Variants in CAMTA1 observed in about 807,000 individuals in gnomAD.
The protein encoded by CAMTA1 is calmodulin binding transcription activator 1.
A neutral mutation model predicts 170.9 loss-of-function variants in CAMTA1; 27 were observed. That is an observed-to-expected ratio of 0.16 (90% CI 0.12 to 0.22). CAMTA1 has a LOEUF of 0.22. Ranked by LOEUF, CAMTA1 falls within the 10% of genes least tolerant of loss-of-function variation. The pLI is 1.00. For synonymous variants in CAMTA1, 833 were observed against 891.5 expected (o/e 0.93, Z 1.17); for missense variants, 1,619 against 2,217.2 (o/e 0.73, Z 5.42).
chr1:7,351,236 A>G (rs1187475963), intron 5 of CAMTA1, among the ~76,000 whole-genome samples: 1 of 152,230 alleles, frequency 6.6e-6, no homozygotes, highest in Non-Finnish European at 1.5e-5. Flanking sequence ...ATGTCTGAGG[A>G]ATGCCTTTCA....
In CAMTA1 at chr1:7,680,816, G is replaced by GC. The variant is rs953405517; in HGVS notation, c.2914+3083_2914+3084insC. On this transcript the variant is annotated intron_variant, in intron 11 of 22. Coordinates refer to ENST00000303635, the MANE Select transcript of CAMTA1 (RefSeq NM_015215.4). This position sits in a 1 kb window ranked among gnomAD's most constrained non-coding sequence, Gnocchi z 4.4. The stretch of plus-strand genomic sequence containing the variant: ...GTTTGCTTGGCTAAAGGCCGGGGGG[G>GC]GGCGTGGGTCCGGGGCGCAGAGAAC... Among the ~76,000 whole-genome samples, 1 of 149,512 alleles carries GC rather than the reference G, an allele frequency of 6.7e-6. No homozygotes were observed. Among genetic ancestry groups the GC allele is most frequent in the Non-Finnish European group, 1.5e-5 (1 of 66,780 alleles).
chr1:7,082,765 C>G (rs1350896843), intron 3 of CAMTA1, among the ~76,000 whole-genome samples: 1 of 152,204 alleles, frequency 6.6e-6, no homozygotes, highest in African/African-American at 2.4e-5. Context: ...GGGCAACCTA[C>G]TCACTCGTCA....
At chr1:7,280,893 C>T (rs1429125165) in intron 5 of CAMTA1, among the ~76,000 whole-genome samples, 1 of 152,184 alleles carries the variant, frequency 6.6e-6, no homozygotes, top group Non-Finnish European at 1.5e-5. Flanking sequence ...GTAACTTGTA[C>T]ACTTTTTAAA....
At chr1:6,832,315 A>T (rs1214089851) in intron 3 of CAMTA1, among the ~76,000 whole-genome samples, 1 of 152,130 alleles carries the variant, frequency 6.6e-6, no homozygotes, top group Non-Finnish European at 1.5e-5. Flanking sequence ...GAGCTCAAGC[A>T]ATCTGCTTGC....
intron 4 of CAMTA1, among the ~76,000 whole-genome samples, chr1:7,150,646 T>A (rs1646518183): frequency 6.6e-6 from 1 of 151,874 alleles, no homozygotes; most frequent in East Asian, 1.9e-4. Context: ...GAATCACCCC[T>A]CACCGAGAAC....
At chr1:7,326,650 C>T (rs908416202) in intron 5 of CAMTA1, among the ~76,000 whole-genome samples, 11 of 152,094 alleles carry the variant, frequency 7.2e-5, no homozygotes, top group Non-Finnish European at 1.6e-4. Context: ...CCAGCAAGCA[C>T]CTGAAACGAG....
At chr1:7,671,060 C>T in intron 10 of CAMTA1, 23 bp downstream of exon 10, 2 of 1,611,404 alleles carry the variant, frequency 1.2e-6, no homozygotes, top group African/African-American at 1.3e-5. Context: ...CCCCCCAGGC[C>T]CCCAAGGTGA....
intron 4 of CAMTA1, among the ~76,000 whole-genome samples, chr1:7,137,089 C>T (rs866946883): frequency 1.4e-4 from 22 of 152,298 alleles, no homozygotes; most frequent in Middle Eastern, 3.4e-3. Flanking sequence ...CCTAATCTTT[C>T]CTGTCTCAGA....
Position 7,704,221 on chromosome 1 carries a change from C to A in CAMTA1, c.2914+26488C>A, listed in dbSNP as rs985745214. Among the ~76,000 whole-genome samples, 1,323 of 147,284 alleles carry A rather than the reference C, an allele frequency of 9.0e-3. 13 individuals carry two copies. The highest frequency in any genetic ancestry group is 0.029 in the African/African-American group (1,199 of 40,998). On this transcript the variant is annotated intron_variant, in intron 11 of 22. Coordinates refer to ENST00000303635, the MANE Select transcript of CAMTA1 (RefSeq NM_015215.4). ...GCCCGAGCCCGGGAACGCGGGCCCT[C>A]GGCGCGGAGCTTCGGGCGGCCCCGA...
chr1:7,171,844 A>G (rs1649674785), intron 4 of CAMTA1, among the ~76,000 whole-genome samples: 1 of 152,258 alleles, frequency 6.6e-6, no homozygotes, highest in South Asian at 2.1e-4. Context: ...TGGATGTTTC[A>G]TAGAAATGGA....
intron 4 of CAMTA1, among the ~76,000 whole-genome samples, chr1:7,218,398 C>T (rs1660137181): frequency 6.6e-6 from 1 of 151,934 alleles, no homozygotes; most frequent in South Asian, 2.1e-4. Context: ...TTGAGTGGTT[C>T]GTGTGATTTT....
rs751245698 is a variant in CAMTA1, at chr1:7,663,765, T to C, written c.1218T>C (p.Asn406=). The change falls in exon 9 of 23, where the codon AAT becomes AAC. Residue 406 remains asparagine, a synonymous_variant. Transcript: ENST00000303635. ...CGGTGTTCATGTCAGAGGTCACCAA[T>C]GAGGCCGTGTACACCATGTCCCCCA... is the stretch of plus-strand genomic sequence containing the variant. ...SATVFMSEVT[N]EAVYTMSPTA... The C allele has an allele frequency of 5.3e-5, 86 of 1,614,062 alleles. No homozygotes were observed. Among genetic ancestry groups the C allele is most frequent in the Non-Finnish European group, 7.1e-5 (84 of 1,179,990 alleles).
intron 5 of CAMTA1, among the ~76,000 whole-genome samples, chr1:7,310,616 C>CT (rs1676348473): frequency 5.6e-4 from 2 of 3,592 alleles, no homozygotes; most frequent in Non-Finnish European, 1.0e-3. Flanking sequence ...TTCTTTCTTT[C>CT]TTTCTTTCTT....
chr1:7,419,390 CAAA>C (rs1259417013), intron 5 of CAMTA1, among the ~76,000 whole-genome samples: 1 of 152,176 alleles, frequency 6.6e-6, no homozygotes, highest in Non-Finnish European at 1.5e-5. Context: ...CTTCTGAACT[CAAA>C]TGATCTGCCC....
chr1:7,653,704 TAA>T (rs34733437), intron 7 of CAMTA1, among the ~76,000 whole-genome samples: 6 of 149,132 alleles, frequency 4.0e-5, no homozygotes, highest in African/African-American at 1.2e-4. Context: ...ATGAACCAAT[TAA>T]AAAAAAAAGT....
chr1:7,715,186 G>C (rs1166014063), intron 11 of CAMTA1, among the ~76,000 whole-genome samples: 1 of 152,066 alleles, frequency 6.6e-6, no homozygotes, highest in Non-Finnish European at 1.5e-5. Flanking sequence ...GAATGGGCTG[G>C]GACAGGGAAG....
In CAMTA1 at chr1:7,482,474, C is replaced by G. The variant is rs1391459144; in HGVS notation, c.510+14573C>G. Among the ~76,000 whole-genome samples, 1 of 152,198 alleles carries G rather than the reference C, an allele frequency of 6.6e-6. No individual in the cohort carries two copies. The highest frequency in any genetic ancestry group is 6.5e-5 in the Admixed American group (1 of 15,284). On this transcript the variant is annotated intron_variant, in intron 6 of 22. Transcript: ENST00000303635. This position sits in a 1 kb window ranked among gnomAD's most constrained non-coding sequence, Gnocchi z 4.2. ...AAAGACACCAGAATGGATGCGCTCTCCACGCAGTGTGTCCCCACCTCCCTC... is the reference window on the plus strand; with the variant it reads ...AAAGACACCAGAATGGATGCGCTCTGCACGCAGTGTGTCCCCACCTCCCTC...
At chr1:7,076,374 T>C (rs890013228) in intron 3 of CAMTA1, among the ~76,000 whole-genome samples, 6 of 152,226 alleles carry the variant, frequency 3.9e-5, no homozygotes, top group African/African-American at 1.4e-4. Flanking sequence ...CAGGAAGATA[T>C]ATTTGATTGT....
intron 4 of CAMTA1, among the ~76,000 whole-genome samples, chr1:7,207,635 C>T (rs1657989260): frequency 1.3e-5 from 2 of 152,250 alleles, no homozygotes; most frequent in East Asian, 1.9e-4. Flanking sequence ...TCCTGGGTCA[C>T]GAGGCCAGTG....
Sources: allele counts gnomAD v4.1 joint callset (sites outside exome capture counted in the v4.1 genomes callset), GRCh38; gene constraint gnomAD v4.1.1; non-coding constraint Gnocchi (gnomAD v3.1); transcripts MANE v1.5; gene names NCBI Gene and HGNC (gene_info 2026-07-23, HGNC 2026-07-21).